The following MAP4K3 variants were observed in gnomAD, a reference collection of about 807,000 sequenced individuals.
MAP4K3 encodes MAPK/ERK kinase kinase kinase 3.
A neutral mutation model predicts 143.5 loss-of-function variants in MAP4K3; 94 were observed. The ratio of observed to expected loss-of-function variants is 0.65; its 90% CI spans 0.55 to 0.78. MAP4K3 has a LOEUF of 0.78. Among genes scored for constraint, MAP4K3 ranks in the 30% least tolerant of loss-of-function variants. MAP4K3 has a pLI of 0.00. For synonymous variants in MAP4K3, 416 were observed against 347.2 expected (o/e 1.20, Z -2.20); for missense variants, 1,077 against 1,068.1 (o/e 1.01, Z -0.12).
intron 2 of MAP4K3, among the ~76,000 whole-genome samples, chr2:39,365,430 A>ATTTT (rs151026787): frequency 1.3e-4 from 11 of 87,928 alleles, no homozygotes; most frequent in East Asian, 6.4e-4. Flanking sequence ...CGCCATAGTA[A>ATTTT]TTTTTTTTTT....
Position 39,368,050 on chromosome 2 carries a change from C to T in MAP4K3, c.154+10016G>A, listed in dbSNP as rs139797080. Among the ~76,000 whole-genome samples, 4 of 152,174 alleles carry T rather than the reference C, an allele frequency of 2.6e-5. No individual in the cohort carries two copies. The East Asian group carries it at 5.8e-4, about 22-fold the overall frequency. ...TTGGTCTCCTTTTCTTACCTGGATC[C>T]AGCTCTTTTGAGAGCCAGGTTTACC... is the stretch of plus-strand genomic sequence containing the variant. On this transcript the variant is annotated intron_variant, in intron 2 of 33. Coordinates refer to ENST00000263881, the MANE Select transcript of MAP4K3 (RefSeq NM_003618.4).
At chr2:39,276,861 G>A (rs1681276044) in intron 24 of MAP4K3, among the ~76,000 whole-genome samples, 2 of 152,186 alleles carry the variant, frequency 1.3e-5, no homozygotes, top group Admixed American at 1.3e-4. Context: ...GAGAAATGGG[G>A]AATGACCACT....
intron 4 of MAP4K3, among the ~76,000 whole-genome samples, chr2:39,342,749 G>T (rs1483527928): frequency 6.6e-6 from 1 of 151,518 alleles, no homozygotes; most frequent in African/African-American, 2.4e-5. Context: ...CAAATTCTAT[G>T]AAAAAATGAG....
In MAP4K3 at chr2:39,335,533, T is replaced by C. The variant is rs920822637; in HGVS notation, c.414+1387A>G. Among the ~76,000 whole-genome samples the C allele has an allele frequency of 2.6e-5, 4 of 152,214 alleles. No individual in the cohort carries two copies. In the East Asian group the frequency reaches 5.8e-4, roughly 22 times the overall value. ...ATACATTCTCTTCTCTTCAATAATA[T>C]GGTACAGTTTTTATGTTCTCTAAAA... On this transcript the variant is annotated intron_variant, in intron 6 of 33. Coordinates refer to ENST00000263881, the MANE Select transcript of MAP4K3 (RefSeq NM_003618.4).
chr2:39,369,098 A>T (rs958420051), intron 2 of MAP4K3, among the ~76,000 whole-genome samples: 1 of 152,036 alleles, frequency 6.6e-6, no homozygotes, highest in Non-Finnish European at 1.5e-5. Context: ...GTGTACACTG[A>T]ATCTGCCTAC....
intron 28 of MAP4K3, among the ~76,000 whole-genome samples, chr2:39,264,313 G>C (rs1029054411): frequency 6.6e-6 from 1 of 152,170 alleles, no homozygotes; most frequent in Non-Finnish European, 1.5e-5. Context: ...TTTTGTTTCA[G>C]TGCATTTACC....
intron 1 of MAP4K3, among the ~76,000 whole-genome samples, chr2:39,393,201 G>A (rs2148598318): frequency 6.6e-6 from 1 of 152,248 alleles, no homozygotes; most frequent in African/African-American, 2.4e-5. Flanking sequence ...AAATTACTGA[G>A]GACTTCACCT....
intron 1 of MAP4K3, among the ~76,000 whole-genome samples, chr2:39,385,551 C>CTCAT (rs1491354478): frequency 3.6e-5 from 4 of 111,266 alleles, no homozygotes; most frequent in African/African-American, 1.8e-4. Flanking sequence ...GAGCGTTCTT[C>CTCAT]ATATATATAT....
chr2:39,296,108 A>T (rs1359908773), intron 16 of MAP4K3, among the ~76,000 whole-genome samples: 1 of 152,220 alleles, frequency 6.6e-6, no homozygotes, highest in East Asian at 1.9e-4. Flanking sequence ...GAAAAAGCAG[A>T]TAGCCCATGG....
chr2:39,278,202 A>C (rs1681357290), intron 24 of MAP4K3, among the ~76,000 whole-genome samples: 1 of 151,762 alleles, frequency 6.6e-6, no homozygotes, highest in African/African-American at 2.4e-5. Context: ...GAATTGCTTG[A>C]AACTGGTTGC....
chr2:39,293,112 A>T (rs778571070), intron 17 of MAP4K3, 118 bp downstream of exon 17: 93 of 782,618 alleles, frequency 1.2e-4, no homozygotes, highest in Non-Finnish European at 1.8e-4. Context: ...GCGAGACCCT[A>T]TCTCTATTAA....
chr2:39,426,973 A>T (rs993729624), intron 1 of MAP4K3, among the ~76,000 whole-genome samples: 5 of 152,122 alleles, frequency 3.3e-5, no homozygotes, highest in Admixed American at 6.5e-5. Context: ...TACTCTTCAG[A>T]TTAAAGAAAA....
rs74525135 is a variant in MAP4K3 at position 39,302,271 on chromosome 2, T to C, written c.1120-2470A>G. The stretch of plus-strand genomic sequence containing the variant: ...GGTGAAATTCAAAGGGGCTCATTCT[T>C]TAACAATTTCTTCTCCTTAAATTAT... On this transcript the variant is annotated intron_variant, in intron 15 of 33. Transcript: ENST00000263881. Among the ~76,000 whole-genome samples the C allele has an allele frequency of 2.5e-3, 376 of 152,284 alleles. 10 individuals carry two copies. In the East Asian group the frequency reaches 0.042, roughly 17 times the overall value.
chr2:39,301,001 T>G (rs1405031998), intron 15 of MAP4K3, among the ~76,000 whole-genome samples: 1 of 152,238 alleles, frequency 6.6e-6, no homozygotes, highest in East Asian at 1.9e-4. Flanking sequence ...AAATAAAACT[T>G]CAGCCTCGTT....
intron 18 of MAP4K3, among the ~76,000 whole-genome samples, chr2:39,291,623 T>C (rs750542522): frequency 6.6e-6 from 1 of 152,186 alleles, no homozygotes; most frequent in East Asian, 1.9e-4. Flanking sequence ...CAGTGGCTCA[T>C]GCCTGTAATC....
chr2:39,280,164 C>CT, intron 23 of MAP4K3, 108 bp downstream of exon 23: 3 of 602,288 alleles, frequency 5.0e-6, no homozygotes, highest in Admixed American at 6.6e-5. Context: ...TATAACAAAA[C>CT]TTTTTTTCCC....
At chr2:39,302,723 T>G (rs966659449) in intron 15 of MAP4K3, among the ~76,000 whole-genome samples, 1 of 152,232 alleles carries the variant, frequency 6.6e-6, no homozygotes, top group African/African-American at 2.4e-5. Context: ...TTAGTAGCAC[T>G]AATCAGGCAT....
Position 39,290,084 on chromosome 2 carries a change from CAAA to C in MAP4K3, c.1314+205_1314+207del, listed in dbSNP as rs57058905. On this transcript the variant is annotated intron_variant, in intron 19 of 33. Coordinates refer to ENST00000263881, the MANE Select transcript of MAP4K3 (RefSeq NM_003618.4). ...CCTGGGTGACAGAGTGAGACTGTCT[CAAA>C]AAAAAAAAAAAAAAAAAAAAGAACA... is the stretch of plus-strand genomic sequence containing the variant. Among the ~76,000 whole-genome samples the C allele has an allele frequency of 2.1e-3, 236 of 111,928 alleles. 2 individuals carry two copies. The highest frequency in any genetic ancestry group is 0.02 in the East Asian group (82 of 4,096). 73.4% of individuals were successfully genotyped at this position (111,928 alleles called of 152,430 possible).
intron 3 of MAP4K3, among the ~76,000 whole-genome samples, chr2:39,345,853 C>T (rs897581243): frequency 6.8e-5 from 9 of 131,458 alleles, no homozygotes; most frequent in Non-Finnish European, 9.3e-5. Flanking sequence ...ACCCGGGAGG[C>T]GGAGCTTGCA....
Sources: allele counts gnomAD v4.1 joint callset (sites outside exome capture counted in the v4.1 genomes callset), GRCh38; gene constraint gnomAD v4.1.1; transcripts MANE v1.5; gene names NCBI Gene and HGNC (gene_info 2026-07-23, HGNC 2026-07-21).